MSI2: variants seen among roughly 807,000 people sequenced by gnomAD.
The protein encoded by MSI2 is musashi RNA binding protein 2.
Under a neutral mutation model 45.6 loss-of-function variants are expected in MSI2, and 17 were observed. The ratio of observed to expected loss-of-function variants is 0.37; its 90% CI spans 0.26 to 0.56. The LOEUF (loss-of-function observed/expected upper bound fraction) is 0.56, where lower values mean the gene tolerates loss of function less well. Among genes scored for constraint, MSI2 ranks in the 20% least tolerant of loss-of-function variants. The pLI is 0.77. For missense variants in MSI2, 293 were observed against 444.2 expected, an observed-to-expected ratio of 0.66 and a Z score of 3.06; for synonymous variants, 156 against 158.2, an observed-to-expected ratio of 0.99 and a Z score of 0.11.
rs563223579 is a variant in MSI2, at chr17:57,485,253, CAA to C, written c.406-44422_406-44421del. Among the ~76,000 whole-genome samples the C allele has an allele frequency of 4.6e-5, 7 of 152,332 alleles. No individual in the cohort carries two copies. In the South Asian group the frequency reaches 8.3e-4, roughly 18 times the overall value. On this transcript the variant is annotated intron_variant, in intron 6 of 13. Coordinates refer to ENST00000284073, the MANE Select transcript of MSI2 (RefSeq NM_138962.4). ...ACAGGCCACACTGTTGCTTTTAGCACAAGTTTCACAGCGAGGAACAGGGACTC... is the reference window on the plus strand; with the variant it reads ...ACAGGCCACACTGTTGCTTTTAGCACGTTTCACAGCGAGGAACAGGGACTC...
chr17:57,578,561 G>A (rs1166874725), intron 7 of MSI2, among the ~76,000 whole-genome samples: 4 of 152,046 alleles, frequency 2.6e-5, no homozygotes, highest in African/African-American at 9.7e-5. Flanking sequence ...CCCAGGGGAT[G>A]AGGGGAAGGG....
chr17:57,543,691 A>G (rs369438186), intron 7 of MSI2, among the ~76,000 whole-genome samples: 1 of 152,330 alleles, frequency 6.6e-6, no homozygotes. Context: ...CTGAGTGACA[A>G]TGAGGAGACG....
chr17:57,351,523 C>G (rs1916029510), intron 5 of MSI2, among the ~76,000 whole-genome samples: 1 of 152,222 alleles, frequency 6.6e-6, no homozygotes, highest in Non-Finnish European at 1.5e-5. Flanking sequence ...TATATAAATT[C>G]TGGAGCCCCC....
chr17:57,271,326 T>C, intron 5 of MSI2, among the ~76,000 whole-genome samples: 1 of 152,094 alleles, frequency 6.6e-6, no homozygotes, highest in Middle Eastern at 3.2e-3. Context: ...ATTTATAAAA[T>C]AAATAGGGTT....
chr17:57,489,183 A>G (rs1382764075), intron 6 of MSI2, among the ~76,000 whole-genome samples: 1 of 152,184 alleles, frequency 6.6e-6, no homozygotes, highest in Non-Finnish European at 1.5e-5. Context: ...CTGCCAAAGA[A>G]GGGAGTCGGA....
chr17:57,447,557 G>T (rs1275602888), intron 6 of MSI2, among the ~76,000 whole-genome samples: 1 of 152,070 alleles, frequency 6.6e-6, no homozygotes, highest in African/African-American at 2.4e-5. Flanking sequence ...TCAAGCCCTG[G>T]GTTGGATGAT....
At chr17:57,329,541 TG>T (rs2143718671) in intron 5 of MSI2, among the ~76,000 whole-genome samples, 1 of 152,268 alleles carries the variant, frequency 6.6e-6, no homozygotes, top group African/African-American at 2.4e-5. Flanking sequence ...AAACTCATAG[TG>T]GGGTTTTACT....
chr17:57,526,140 A>G (rs913622896), intron 6 of MSI2, among the ~76,000 whole-genome samples: 4 of 152,100 alleles, frequency 2.6e-5, no homozygotes, highest in Admixed American at 1.3e-4. Context: ...CAGGAGAATC[A>G]CTTGAACCCA....
intron 5 of MSI2, among the ~76,000 whole-genome samples, chr17:57,285,480 G>A (rs1276684834): frequency 1.1e-4 from 17 of 152,222 alleles, no homozygotes; most frequent in Non-Finnish European, 1.5e-5. Context: ...CTCAGCGTTC[G>A]CTGGTATTCA....
At chr17:57,665,952 G>A (rs549127746) in intron 11 of MSI2, among the ~76,000 whole-genome samples, 2 of 152,334 alleles carry the variant, frequency 1.3e-5, no homozygotes, top group African/African-American at 4.8e-5. Context: ...GAGAGAGGCA[G>A]TCCTGTATCT....
At chr17:57,461,334 A>G (rs1268586626) in intron 6 of MSI2, among the ~76,000 whole-genome samples, 2 of 152,182 alleles carry the variant, frequency 1.3e-5, no homozygotes, top group African/African-American at 4.8e-5. Context: ...CACAGGTTCA[A>G]TGACTCATTG....
intron 5 of MSI2, among the ~76,000 whole-genome samples, chr17:57,396,392 A>C (rs146175430): frequency 0.012 from 1,574 of 134,542 alleles, 21 homozygotes; most frequent in Admixed American, 0.052. Flanking sequence ...ACACACACAC[A>C]AAACACACAC....
At chr17:57,626,321 G>C (rs778362775) in intron 9 of MSI2, 4 of 152,238 alleles carry the variant, frequency 2.6e-5, no homozygotes, top group Admixed American at 1.3e-4. Flanking sequence ...CCTTCATTTA[G>C]CCTGAATCAG....
chr17:57,353,590 A>G (rs1167265216), intron 5 of MSI2, among the ~76,000 whole-genome samples: 1 of 151,574 alleles, frequency 6.6e-6, no homozygotes, highest in Non-Finnish European at 1.5e-5. Flanking sequence ...AGGTGGTACC[A>G]GTGATGCCAT....
At chr17:57,334,793 CA>C (rs58640270) in intron 5 of MSI2, among the ~76,000 whole-genome samples, 46 of 141,442 alleles carry the variant, frequency 3.3e-4, no homozygotes, top group Non-Finnish European at 3.1e-4. Context: ...GACTCCATCT[CA>C]AAAAAAAAAA....
Position 57,624,912 on chromosome 17 carries a change from G to C in MSI2, c.653-2317G>C, listed in dbSNP as rs556508368. On this transcript the variant is annotated intron_variant, in intron 9 of 13. Transcript: ENST00000284073. ...GTCACAGATTACCATAGACGAGGTGGCTTATGAACAACAAACATTTATTTC... is the reference window on the plus strand; with the variant it reads ...GTCACAGATTACCATAGACGAGGTGCCTTATGAACAACAAACATTTATTTC... Among the ~76,000 whole-genome samples, 16 of 152,290 alleles carry C rather than the reference G, an allele frequency of 1.1e-4. No individual in the cohort carries two copies. In the South Asian group the frequency reaches 3.3e-3, roughly 32 times the overall value.
chr17:57,349,263 G>A (rs1439286057), intron 5 of MSI2, among the ~76,000 whole-genome samples: 2 of 152,130 alleles, frequency 1.3e-5, no homozygotes. Context: ...TCCTGACCCA[G>A]CAGCCCGGGG....
At chr17:57,317,506 C>CTT (rs921448429) in intron 5 of MSI2, among the ~76,000 whole-genome samples, 2,326 of 94,412 alleles carry the variant, frequency 0.025, 3 homozygotes, top group Non-Finnish European at 0.035. Context: ...TATAGTTTTG[C>CTT]TTTTTTTTTT....
In MSI2 at chr17:57,262,404, A is replaced by C. The variant is rs1029761439; in HGVS notation, c.312+212A>C. The C allele has an allele frequency of 4.5e-5, 22 of 489,050 alleles. 1 individual carries two copies. In the East Asian group the frequency reaches 6.6e-4, roughly 15 times the overall value. The allele number at this position is 489,050 out of a possible 1,614,324, so 30.3% of individuals were successfully genotyped here. ...GGCTTCTGAACATCCACCTGGGGGC[A>C]GGGACAAGTCTGATGCTTAGTGGGA... On this transcript the variant is annotated intron_variant, in intron 5 of 13. Transcript: ENST00000284073.
Sources: gnomAD v4.1 joint callset for allele counts (sites outside exome capture counted in the v4.1 genomes callset) on GRCh38, gnomAD v4.1.1 for gene constraint, MANE v1.5 for transcripts, NCBI Gene and HGNC (gene_info 2026-07-23, HGNC 2026-07-21) for gene names.